LAMP3: variants seen among roughly 807,000 people sequenced by gnomAD.
LAMP3 encodes the protein lysosome-associated membrane glycoprotein 3.
Under a neutral mutation model 34.8 loss-of-function variants are expected in LAMP3, and 26 were observed. The observed-to-expected ratio is 0.75, with a 90% CI of 0.55 to 1.04. LAMP3 has a LOEUF of 1.04. Among genes scored for constraint, LAMP3 ranks in the 50% least tolerant of loss-of-function variants. The pLI, the probability that LAMP3 is intolerant of heterozygous loss-of-function variation, is 0.00. For missense variants in LAMP3, 495 were observed against 524.0 expected (o/e 0.94, Z 0.54); for synonymous variants, 180 against 201.9 (o/e 0.89, Z 0.92).
At chr3:183,134,618 C>G (rs1720028384) in intron 5 of LAMP3, among the ~76,000 whole-genome samples, 1 of 151,890 alleles carries the variant, frequency 6.6e-6, no homozygotes, top group Admixed American at 6.5e-5. Context: ...CTGGCAAATT[C>G]TCATATGACT....
In LAMP3 at chr3:183,124,146, G is replaced by C. The variant is rs775749480; in HGVS notation, c.1186C>G (p.Leu396Val). 6.8e-6 allele frequency: 11 copies of C among 1,612,516 alleles called. No homozygotes were observed. Among genetic ancestry groups the C allele is most frequent in the Non-Finnish European group, 9.3e-6 (11 of 1,179,532 alleles). Reference protein sequence around the residue: ...VIGAIVVGLCLMGMGVYKIRL... With the variant: ...VIGAIVVGLCVMGMGVYKIRL... ...ATTTTATAGACACCCATACCCATAA[G>C]GCAGAGACCAACCACGATGGCCCCA... The change falls in exon 6 of 6, where the codon CTT becomes GTT. Residue 396 changes from leucine to valine, a missense_variant. Transcript: ENST00000265598.
chr3:183,150,847 C>A (rs966160535), intron 3 of LAMP3, among the ~76,000 whole-genome samples: 1 of 152,086 alleles, frequency 6.6e-6, no homozygotes, highest in East Asian at 1.9e-4. Flanking sequence ...TAAAGAAATT[C>A]TTGTCATCTC....
chr3:183,158,257 A>G (rs1476469461), intron 1 of LAMP3: 1 of 152,150 alleles, frequency 6.6e-6, no homozygotes, highest in Non-Finnish European at 1.5e-5. Flanking sequence ...TGGTCTATGT[A>G]TACGACCACA....
intron 4 of LAMP3, 117 bp downstream of exon 4, chr3:183,140,410 CAAAAAAAAAAA>C (rs58229572): frequency 3.3e-4 from 64 of 194,418 alleles, no homozygotes; most frequent in East Asian, 9.9e-4. Flanking sequence ...GACTCCATCT[CAAAAAAAAAAA>C]AAAAAAAAAA....
Position 183,135,945 on chromosome 3 carries a change from C to G in LAMP3, c.947-58G>C, listed in dbSNP as rs1299629733. ...CTGAGATGTAACCGCTGAGCTCCAG[C>G]TGTGGCCGGGCTGCCTGTGCACAGC... On this transcript the variant is annotated intron_variant, in intron 4 of 5. Coordinates refer to ENST00000265598, the MANE Select transcript of LAMP3 (RefSeq NM_014398.4). 2.8e-6 allele frequency: 4 copies of G among 1,422,816 alleles called. No homozygotes were observed. The East Asian group carries it at 9.2e-5, about 33-fold the overall frequency. 88.1% of individuals were successfully genotyped at this position (1,422,816 alleles called of 1,614,324 possible).
At chr3:183,132,442 G>A (rs1346782106) in intron 5 of LAMP3, 1 of 980,666 alleles carries the variant, frequency 1.0e-6, no homozygotes, top group Non-Finnish European at 1.2e-6. Context: ...TCTTGAAAAT[G>A]TATAAGAAAA....
intron 4 of LAMP3, among the ~76,000 whole-genome samples, chr3:183,139,755 GT>G: frequency 6.6e-6 from 1 of 152,302 alleles, no homozygotes; most frequent in Middle Eastern, 3.4e-3. Flanking sequence ...GGGCAGTACT[GT>G]ATTATCATTT....
chr3:183,124,834 A>AAAAC (rs146636311), intron 5 of LAMP3, among the ~76,000 whole-genome samples: 27 of 152,170 alleles, frequency 1.8e-4, no homozygotes, highest in Non-Finnish European at 3.4e-4. Flanking sequence ...CTCCATCTCA[A>AAAAC]AAACAAACAA....
chr3:183,161,453 T>G (rs1455289901), intron 1 of LAMP3, among the ~76,000 whole-genome samples: 1 of 152,132 alleles, frequency 6.6e-6, no homozygotes, highest in Non-Finnish European at 1.5e-5. Context: ...TGCAGTGGCA[T>G]GATCTTGGCT....
At chr3:183,144,112 A>G (rs1236853273) in intron 3 of LAMP3, among the ~76,000 whole-genome samples, 1 of 152,200 alleles carries the variant, frequency 6.6e-6, no homozygotes, top group African/African-American at 2.4e-5. Context: ...AGCATCAATC[A>G]TGTCCTTTTC....
At chr3:183,155,456 G>A (rs917807743) in intron 1 of LAMP3, among the ~76,000 whole-genome samples, 1 of 152,190 alleles carries the variant, frequency 6.6e-6, no homozygotes, top group African/African-American at 2.4e-5. Context: ...GATATTTCAG[G>A]TGGGTTGTCC....
At chr3:183,158,502 C>A (rs1720885200) in intron 1 of LAMP3, among the ~76,000 whole-genome samples, 1 of 150,968 alleles carries the variant, frequency 6.6e-6, no homozygotes, top group Non-Finnish European at 1.5e-5. Flanking sequence ...CCCAGCCTCC[C>A]CTCTCCAAAA....
rs1719724391 is a variant in LAMP3 at position 183,123,968 on chromosome 3, G to A, written c.*113C>T. On this transcript the variant is annotated 3_prime_UTR_variant, in exon 6 of 6. Transcript: ENST00000265598. ...ACTCACTTCATTTGAATAGAAGATG[G>A]TGGTTTACATTGTTTGAAGGACCCA... 1 of 1,083,168 alleles carries A rather than the reference G, an allele frequency of 9.2e-7. No individual in the cohort carries two copies. The highest frequency in any genetic ancestry group is 1.4e-6 in the Non-Finnish European group (1 of 729,856). The allele number at this position is 1,083,168 out of a possible 1,614,324, so 67.1% of individuals were successfully genotyped here.
At chr3:183,160,704 T>G (rs1720951307) in intron 1 of LAMP3, among the ~76,000 whole-genome samples, 1 of 152,130 alleles carries the variant, frequency 6.6e-6, no homozygotes, top group Admixed American at 6.5e-5. Flanking sequence ...AGTAGATGTA[T>G]GAGTAAAGCA....
chr3:183,152,428 A>AT lies in LAMP3; in HGVS notation c.834dup (p.Ser279IlefsTer20). 1.2e-6 allele frequency: 2 copies of AT among 1,612,830 alleles called. No individual in the cohort carries two copies. Among genetic ancestry groups the AT allele is most frequent in the Non-Finnish European group, 1.7e-6 (2 of 1,179,546 alleles). ...CCCTGAAAATTCAACAGAAGGTTGGATTTTCGGGTGCCACAGTTCCCAGAG... is the reference window on the plus strand; with the variant it reads ...CCCTGAAAATTCAACAGAAGGTTGGATTTTTCGGGTGCCACAGTTCCCAGAG... On this transcript the variant is annotated frameshift_variant, in exon 3 of 6. Coordinates refer to ENST00000265598, the MANE Select transcript of LAMP3 (RefSeq NM_014398.4). LOFTEE classifies it high-confidence loss of function.
In LAMP3 at chr3:183,135,442, T is replaced by C. The variant is rs184630495; in HGVS notation, c.1117+275A>G. On this transcript the variant is annotated intron_variant, in intron 5 of 5. Transcript: ENST00000265598. ...AGGGAAGTCGCAGGTGGTATTTCTG[T>C]TGTTTTGATTGAGCGCGTGAGTGTT... Among the ~76,000 whole-genome samples, 21 of 152,232 alleles carry C rather than the reference T, an allele frequency of 1.4e-4. No individual in the cohort carries two copies. In the East Asian group the frequency reaches 4.1e-3, roughly 29 times the overall value.
chr3:183,142,555 CA>C (rs1244000045), intron 3 of LAMP3, among the ~76,000 whole-genome samples: 3 of 151,964 alleles, frequency 2.0e-5, no homozygotes, highest in Non-Finnish European at 2.9e-5. Flanking sequence ...GACCATTTTA[CA>C]GCTGAGAACA....
At chr3:183,152,929 C>T (rs1417449258) in intron 2 of LAMP3, among the ~76,000 whole-genome samples, 1 of 152,134 alleles carries the variant, frequency 6.6e-6, no homozygotes, top group Non-Finnish European at 1.5e-5. Context: ...GTAATCCCAG[C>T]ACTTTGGGAG....
chr3:183,162,383 G>T (rs1407804954), intron 1 of LAMP3, among the ~76,000 whole-genome samples: 4 of 152,136 alleles, frequency 2.6e-5, no homozygotes. Flanking sequence ...TCCCTGAGAA[G>T]GTGTCCAGAA....
Sources: gnomAD v4.1 joint callset for allele counts (sites outside exome capture counted in the v4.1 genomes callset) on GRCh38, gnomAD v4.1.1 for gene constraint, MANE v1.5 for transcripts, NCBI Gene and HGNC (gene_info 2026-07-23, HGNC 2026-07-21) for gene names.